FUBP3: variants seen among roughly 807,000 people sequenced by gnomAD.
FUBP3 encodes the protein far upstream element binding protein 3, also known as far upstream element-binding protein 3.
Under a neutral mutation model 85.6 loss-of-function variants are expected in FUBP3, and 28 were observed. The ratio of observed to expected loss-of-function variants is 0.33; its 90% CI spans 0.24 to 0.45. The LOEUF (loss-of-function observed/expected upper bound fraction) is 0.45, where lower values mean the gene tolerates loss of function less well. Among genes scored for constraint, FUBP3 ranks in the 20% least tolerant of loss-of-function variants. The probability of loss-of-function intolerance (pLI) is 1.00; values close to 1 mark genes in which losing one functional copy is unlikely to be tolerated. For synonymous variants in FUBP3, 271 were observed against 271.4 expected (o/e 1.00, Z 0.01); for missense variants, 583 against 755.1 (o/e 0.77, Z 2.67).
At chr9:130,629,785 T>C (rs565599103) in intron 12 of FUBP3, among the ~76,000 whole-genome samples, 3 of 152,200 alleles carry the variant, frequency 2.0e-5, no homozygotes, top group Non-Finnish European at 4.4e-5. Flanking sequence ...TTCTCCACTT[T>C]TCCAAACTGT....
chr9:130,614,232 A>G, intron 5 of FUBP3, 56 bp from the exon 6 acceptor site: 1 of 1,076,898 alleles, frequency 9.3e-7, no homozygotes, highest in Non-Finnish European at 1.4e-6. Flanking sequence ...ACAGAGGCAG[A>G]GGTGCATGTG....
chr9:130,579,648 T>G lies in FUBP3; in HGVS notation c.-33T>G, dbSNP rs1207238854. On this transcript the variant is annotated 5_prime_UTR_variant, in exon 1 of 19. Coordinates refer to ENST00000319725, the MANE Select transcript of FUBP3 (RefSeq NM_003934.2). ...GAGCCGAGCGGCGGCGTCGGCGGCGTCGGCGGCGGCGGCGACGGCGGCGGG... is the reference window on the plus strand; with the variant it reads ...GAGCCGAGCGGCGGCGTCGGCGGCGGCGGCGGCGGCGGCGACGGCGGCGGG... 183 of 1,210,050 alleles carry G rather than the reference T, an allele frequency of 1.5e-4. No homozygotes were observed. Among genetic ancestry groups the G allele is most frequent in the Middle Eastern group, 9.3e-4 (3 of 3,226 alleles). 75.0% of individuals were successfully genotyped at this position (1,210,050 alleles called of 1,614,324 possible).
chr9:130,634,514 G>C (rs538676098), intron 16 of FUBP3, 153 bp from the exon 17 acceptor site: 1 of 615,382 alleles, frequency 1.6e-6, no homozygotes, highest in Non-Finnish European at 2.9e-6. Context: ...CCCCAGCCCT[G>C]CCAGCTGCCA....
At chr9:130,619,824 TTTGTTG>T (rs532223423) in intron 8 of FUBP3, among the ~76,000 whole-genome samples, 3 of 152,076 alleles carry the variant, frequency 2.0e-5, no homozygotes, top group African/African-American at 7.2e-5. Flanking sequence ...GGCTTGCCCT[TTTGTTG>T]TTGTTGTTGT....
At chr9:130,599,849 G>T (rs1831065074) in intron 2 of FUBP3, among the ~76,000 whole-genome samples, 1 of 152,052 alleles carries the variant, frequency 6.6e-6, no homozygotes, top group African/African-American at 2.4e-5. Context: ...AACCAGGGAG[G>T]TGCAGATCTT....
At chr9:130,592,731 T>A (rs567859014) in intron 1 of FUBP3, among the ~76,000 whole-genome samples, 42 of 152,136 alleles carry the variant, frequency 2.8e-4, no homozygotes, top group African/African-American at 1.0e-3. Context: ...TTTGTAGAGA[T>A]GGGGGTCTTG....
intron 1 of FUBP3, among the ~76,000 whole-genome samples, chr9:130,593,486 A>G (rs1038580255): frequency 2.6e-5 from 4 of 152,212 alleles, no homozygotes; most frequent in African/African-American, 9.7e-5. Context: ...TTCAAAAACT[A>G]TGAAATATAT....
chr9:130,607,848 G>C (rs1012804347), intron 2 of FUBP3, among the ~76,000 whole-genome samples: 5 of 152,190 alleles, frequency 3.3e-5, no homozygotes, highest in African/African-American at 1.2e-4. Context: ...CTCTGGACTT[G>C]AACCTGATTT....
At position 130,612,960 on chromosome 9, in the gene FUBP3, C is replaced by T. The variant is rs375069466; in HGVS notation, c.279C>T (p.Ile93=). Reference sequence around the variant, plus strand: ...ACCCTGTTCAATTTGTTTCAGTTATCGGCAGGGGAGGTGAGCAGATTTCAC... The same window carrying T: ...ACCCTGTTCAATTTGTTTCAGTTATTGGCAGGGGAGGTGAGCAGATTTCAC... ...KVPDKMVGFI[I]GRGGEQISRI... Residue 93 remains isoleucine (I), a synonymous_variant, in exon 5 of 19, where the codon ATC becomes ATT. Transcript: ENST00000319725. The surrounding 1 kb of genome is among the most constrained non-coding windows in gnomAD (Gnocchi z 4.1). The T allele has an allele frequency of 8.8e-5, 142 of 1,609,552 alleles. No individual in the cohort carries two copies. Among genetic ancestry groups the T allele is most frequent in the Non-Finnish European group, 1.2e-4 (138 of 1,175,820 alleles).
At position 130,611,590 on chromosome 9, in the gene FUBP3, A is replaced by G. The variant is rs559485782; in HGVS notation, c.225-866A>G. On this transcript the variant is annotated intron_variant, in intron 3 of 18. Transcript: ENST00000319725. ...TTCCCTAAAAATATGCACTTATTCA[A>G]TCCTTTCTGTGATGGGTAAAAACCC... Among the ~76,000 whole-genome samples, 11 of 151,414 alleles carry G rather than the reference A, an allele frequency of 7.3e-5. 1 individual carries two copies. Among genetic ancestry groups the G allele is most frequent in the South Asian group, 2.1e-4 (1 of 4,778 alleles).
At chr9:130,595,000 G>C (rs959953269) in intron 1 of FUBP3, among the ~76,000 whole-genome samples, 1 of 151,890 alleles carries the variant, frequency 6.6e-6, no homozygotes, top group Non-Finnish European at 1.5e-5. Flanking sequence ...GCCAAGGGGG[G>C]CAGATCACCC....
At chr9:130,598,825 C>T (rs1830992776) in intron 2 of FUBP3, among the ~76,000 whole-genome samples, 1 of 152,138 alleles carries the variant, frequency 6.6e-6, no homozygotes, top group Non-Finnish European at 1.5e-5. Context: ...AGAATTTTCC[C>T]CCAAAGGCTC....
intron 1 of FUBP3, among the ~76,000 whole-genome samples, chr9:130,582,641 A>C (rs1353510011): frequency 2.0e-5 from 3 of 152,228 alleles, no homozygotes; most frequent in Non-Finnish European, 4.4e-5. Flanking sequence ...CCTGTTCCAC[A>C]GCCGTCCTCT....
Position 130,602,907 on chromosome 9 carries a change from C to G in FUBP3, c.191-7047C>G, listed in dbSNP as rs569209901. On this transcript the variant is annotated intron_variant, in intron 2 of 18. Transcript: ENST00000319725. ...CACGTCTGCCCCTGAAGGTTATGCC[C>G]TTCCTGCCACGCCCCTTCTCCCGTT... Among the ~76,000 whole-genome samples the G allele has an allele frequency of 1.1e-4, 16 of 152,226 alleles. No homozygotes were observed. In the South Asian group the frequency reaches 3.3e-3, roughly 32 times the overall value.
intron 1 of FUBP3, among the ~76,000 whole-genome samples, chr9:130,589,695 A>AT (rs1830517013): frequency 3.3e-5 from 1 of 29,992 alleles, no homozygotes; most frequent in Non-Finnish European, 5.9e-5. Flanking sequence ...ATATATATAT[A>AT]TATATATATA....
chr9:130,589,218 T>C (rs1273634899), intron 1 of FUBP3, among the ~76,000 whole-genome samples: 2 of 152,162 alleles, frequency 1.3e-5, no homozygotes, highest in Admixed American at 6.5e-5. Flanking sequence ...CTTGAAAATG[T>C]GTACTGGGAA....
chr9:130,606,399 A>G (rs1831435439), intron 2 of FUBP3, among the ~76,000 whole-genome samples: 1 of 152,214 alleles, frequency 6.6e-6, no homozygotes, highest in South Asian at 2.1e-4. Flanking sequence ...CCCCCCCCCA[A>G]CAGACTCACT....
chr9:130,614,492 G>A lies in FUBP3; in HGVS notation c.404+147G>A, dbSNP rs551090952. On this transcript the variant is annotated intron_variant, in intron 6 of 18. Coordinates refer to ENST00000319725, the MANE Select transcript of FUBP3 (RefSeq NM_003934.2). ...GATAATTCCATAGGAAAAAAATCTG[G>A]GAGGTTACTGTGCCAGGGGTTTTTG... 72 of 564,432 alleles carry A rather than the reference G, an allele frequency of 1.3e-4. No homozygotes were observed. In the Middle Eastern group the frequency reaches 1.4e-3, roughly 11 times the overall value. 35.0% of individuals were successfully genotyped at this position (564,432 alleles called of 1,614,324 possible). A position where few individuals can be genotyped will look rare whatever the true frequency, so the allele number is the denominator to read the frequency against.
chr9:130,587,525 A>G (rs986424365), intron 1 of FUBP3, among the ~76,000 whole-genome samples: 2 of 152,316 alleles, frequency 1.3e-5, no homozygotes, highest in South Asian at 2.1e-4. Context: ...CATTCTGCCT[A>G]CAAGTGGGCC....
Sources: gnomAD v4.1 joint callset for allele counts (sites outside exome capture counted in the v4.1 genomes callset) on GRCh38, gnomAD v4.1.1 for gene constraint, Gnocchi (gnomAD v3.1) non-coding constraint, MANE v1.5 for transcripts, NCBI Gene and HGNC (gene_info 2026-07-23, HGNC 2026-07-21) for gene names.